Variants in TENM2 observed in about 807,000 individuals in gnomAD.
TENM2 encodes the protein teneurin-2.
A neutral mutation model predicts 245.2 loss-of-function variants in TENM2; 52 were observed. The ratio of observed to expected loss-of-function variants is 0.21; its 90% CI spans 0.17 to 0.27. The LOEUF is 0.27. TENM2 is among the 10% of genes least tolerant of loss of function. The pLI is 1.00. For synonymous variants in TENM2, 1,363 were observed against 1,438.9 expected, an observed-to-expected ratio of 0.95 and a Z score of 1.19; for missense variants, 3,046 against 3,666.8, an observed-to-expected ratio of 0.83 and a Z score of 4.37.
the TENM2 span, among the ~76,000 whole-genome samples, chr5:167,159,676 G>A: frequency 5.9e-5 from 9 of 152,060 alleles, no homozygotes; most frequent in Non-Finnish European, 2.9e-5. Context: ...AACAGCACAG[G>A]TGTTTTCTTT....
intron 2 of TENM2, among the ~76,000 whole-genome samples, chr5:167,622,236 G>A (rs576805358): frequency 2.6e-4 from 39 of 152,222 alleles, no homozygotes; most frequent in Non-Finnish European, 4.6e-4. Flanking sequence ...AGGGAGACAT[G>A]ATGAGAAGCA....
At chr5:168,120,008 A>G (rs1795358748) in intron 10 of TENM2, among the ~76,000 whole-genome samples, 1 of 152,162 alleles carries the variant, frequency 6.6e-6, no homozygotes, top group Non-Finnish European at 1.5e-5. Context: ...TCTATACAAA[A>G]TAACCAATCA....
rs77711199 is a variant in TENM2, at chr5:167,898,938, C to A, written c.712+22743C>A. Among the ~76,000 whole-genome samples, 11 of 152,026 alleles carry A rather than the reference C, an allele frequency of 7.2e-5. No individual in the cohort carries two copies. In the East Asian group the frequency reaches 2.1e-3, roughly 29 times the overall value. On this transcript the variant is annotated intron_variant, in intron 3 of 28. Transcript: ENST00000518659. ...TTGAATCTGAAAAGGCGTGGATTGGCTCGATGGTCATATCCAACAGACAGC... is the reference window on the plus strand; with the variant it reads ...TTGAATCTGAAAAGGCGTGGATTGGATCGATGGTCATATCCAACAGACAGC...
chr5:167,034,352 C>T, the TENM2 span, among the ~76,000 whole-genome samples: 5 of 151,484 alleles, frequency 3.3e-5, no homozygotes, highest in South Asian at 2.1e-4. Flanking sequence ...TTATTTTGGC[C>T]GGGCGCGGTG....
intron 2 of TENM2, among the ~76,000 whole-genome samples, chr5:167,697,854 A>G (rs182986486): frequency 1.3e-5 from 2 of 152,232 alleles, no homozygotes; most frequent in East Asian, 3.9e-4. Context: ...TCAAATTTAT[A>G]TTTCATAATC....
chr5:168,237,004 T>A (rs866459194), intron 25 of TENM2, among the ~76,000 whole-genome samples: 45 of 21,828 alleles, frequency 2.1e-3, no homozygotes, highest in Non-Finnish European at 2.9e-3. Flanking sequence ...ATATATATTT[T>A]TTTTTTTTTT....
rs112785662 is a variant in TENM2 at position 167,877,726 on chromosome 5, G to T, written c.712+1531G>T. On this transcript the variant is annotated intron_variant, in intron 3 of 28. Coordinates refer to ENST00000518659, the Ensembl canonical transcript of TENM2. ...CTTCAAATATGATGTTAACTTAATG[G>T]AATATATTATGAAAAATCATGTTTG... Among the ~76,000 whole-genome samples the T allele has an allele frequency of 1.6e-3, 237 of 152,214 alleles. 5 individuals carry two copies. In the East Asian group the frequency reaches 0.035, roughly 22 times the overall value.
At chr5:168,189,112 G>T (rs1413750512) in intron 13 of TENM2, among the ~76,000 whole-genome samples, 3 of 152,144 alleles carry the variant, frequency 2.0e-5, no homozygotes, top group Non-Finnish European at 4.4e-5. Context: ...GCTCTCTGGG[G>T]TCTCATTTAT....
At chr5:167,495,284 T>C (rs1768739194) in intron 2 of TENM2, among the ~76,000 whole-genome samples, 1 of 151,368 alleles carries the variant, frequency 6.6e-6, no homozygotes, top group Admixed American at 6.6e-5. Flanking sequence ...ACAACCAGAA[T>C]TAATACAAAC....
chr5:167,755,584 T>A (rs1762260395), intron 2 of TENM2, among the ~76,000 whole-genome samples: 1 of 152,196 alleles, frequency 6.6e-6, no homozygotes, highest in Non-Finnish European at 1.5e-5. Context: ...TCTGCATCTG[T>A]CACATTTTTT....
intron 2 of TENM2, among the ~76,000 whole-genome samples, chr5:167,832,608 G>C (rs981474911): frequency 6.6e-6 from 1 of 152,138 alleles, no homozygotes; most frequent in African/African-American, 2.4e-5. Flanking sequence ...GGCAGGGATG[G>C]ATGGATAGAG....
intron 3 of TENM2, among the ~76,000 whole-genome samples, chr5:167,895,218 C>G (rs1334050396): frequency 6.6e-6 from 1 of 151,982 alleles, no homozygotes; most frequent in Non-Finnish European, 1.5e-5. Flanking sequence ...TCCTCTTCCT[C>G]TCCCCCTCCT....
At chr5:167,538,878 A>C (rs2127601422) in intron 2 of TENM2, among the ~76,000 whole-genome samples, 1 of 152,316 alleles carries the variant, frequency 6.6e-6, no homozygotes, top group South Asian at 2.1e-4. Flanking sequence ...AGGCAAAATA[A>C]GAGTTAGGCT....
intron 12 of TENM2, among the ~76,000 whole-genome samples, chr5:168,155,931 G>A (rs1328207947): frequency 1.4e-4 from 19 of 133,774 alleles, no homozygotes; most frequent in African/African-American, 2.8e-4. Context: ...AAAATTGTAA[G>A]TACGGTCTTG....
chr5:167,870,577 G>GTA (rs924779577), intron 2 of TENM2, among the ~76,000 whole-genome samples: 5 of 136,146 alleles, frequency 3.7e-5, no homozygotes, highest in African/African-American at 8.8e-5. Context: ...ATATGTGTGT[G>GTA]TATATATATA....
chr5:167,911,342 C>T (rs1405109482), intron 3 of TENM2, among the ~76,000 whole-genome samples: 2 of 151,936 alleles, frequency 1.3e-5, no homozygotes, highest in East Asian at 1.9e-4. Context: ...CTGGCTAACA[C>T]GGTGAAACCC....
intron 2 of TENM2, among the ~76,000 whole-genome samples, chr5:167,766,234 C>A (rs1763009855): frequency 6.6e-6 from 1 of 151,860 alleles, no homozygotes; most frequent in Non-Finnish European, 1.5e-5. Flanking sequence ...GCTTTCATGG[C>A]AAAGGAATTA....
intron 2 of TENM2, among the ~76,000 whole-genome samples, chr5:167,783,465 C>T (rs770967443): frequency 1.4e-4 from 21 of 152,096 alleles, no homozygotes; most frequent in African/African-American, 1.9e-4. Context: ...TTTCTGAACC[C>T]CAGTTTAACA....
intron 2 of TENM2, among the ~76,000 whole-genome samples, chr5:167,777,143 G>GT (rs1265127228): frequency 6.6e-6 from 1 of 152,142 alleles, no homozygotes; most frequent in African/African-American, 2.4e-5. Flanking sequence ...ATGTTTATAT[G>GT]TTTTACAGAG....
Sources: gnomAD v4.1 joint callset for allele counts (sites outside exome capture counted in the v4.1 genomes callset) on GRCh38, gnomAD v4.1.1 for gene constraint, MANE v1.5 for transcripts, NCBI Gene and HGNC (gene_info 2026-07-23, HGNC 2026-07-21) for gene names.